The following LEKR1 variants were observed in gnomAD, a reference collection of about 807,000 sequenced individuals.
The protein encoded by LEKR1 is protein LEKR1.
In LEKR1, 59 loss-of-function variants were observed where a neutral mutation model predicts 72.4. The ratio of observed to expected loss-of-function variants is 0.82; its 90% CI spans 0.66 to 1.01. The LOEUF (loss-of-function observed/expected upper bound fraction) is 1.01, where lower values mean the gene tolerates loss of function less well. Among genes scored for constraint, LEKR1 ranks in the 50% least tolerant of loss-of-function variants. The pLI is 0.00. For missense variants in LEKR1, 728 were observed against 759.2 expected (o/e 0.96, Z 0.48); for synonymous variants, 257 against 263.2 (o/e 0.98, Z 0.23).
intron 3 of LEKR1, among the ~76,000 whole-genome samples, chr3:156,895,675 A>C (rs1721109577): frequency 6.6e-6 from 1 of 152,128 alleles, no homozygotes; most frequent in Admixed American, 6.6e-5. Context: ...ATCTCATGCC[A>C]GTCAGAATGG....
chr3:156,916,303 ATCATTGTTAGACAGGAATAGTATTGAATC>A (rs1322639469), intron 3 of LEKR1, among the ~76,000 whole-genome samples: 1 of 151,844 alleles, frequency 6.6e-6, no homozygotes, highest in Non-Finnish European at 1.5e-5. Flanking sequence ...TGTGAAGAAT[ATCATTGTTAGACAGGAATAGTATTGAATC>A]TCTAAATTGC....
At position 156,870,433 on chromosome 3, in the gene LEKR1, A is replaced by G. The variant is rs183044267; in HGVS notation, c.263+17451A>G. Among the ~76,000 whole-genome samples, 486 of 152,040 alleles carry G rather than the reference A, an allele frequency of 3.2e-3. 3 individuals carry two copies. Among genetic ancestry groups the G allele is most frequent in the African/African-American group, 0.011 (466 of 41,496 alleles). On this transcript the variant is annotated intron_variant, in intron 3 of 12. Coordinates refer to ENST00000356539, the MANE Select transcript of LEKR1 (RefSeq NM_001004316.3). ...CACCTCCTTGGTTAAATTTATTTTTAGGTATTTTTTGGAGCTATTGTAAAC... is the reference window on the plus strand; with the variant it reads ...CACCTCCTTGGTTAAATTTATTTTTGGGTATTTTTTGGAGCTATTGTAAAC...
At chr3:156,925,369 A>T (rs1458880589) in intron 4 of LEKR1, 1 of 146,960 alleles carries the variant, frequency 6.8e-6, no homozygotes, top group Non-Finnish European at 1.5e-5. Context: ...TACATAGAGG[A>T]GTTTGCTAAC....
chr3:156,859,639 A>G (rs1460170331), intron 3 of LEKR1, among the ~76,000 whole-genome samples: 2 of 152,206 alleles, frequency 1.3e-5, no homozygotes, highest in Non-Finnish European at 2.9e-5. Flanking sequence ...TCTTGGTATT[A>G]TACATTCTAA....
chr3:156,877,790 T>G (rs115807228), intron 3 of LEKR1, among the ~76,000 whole-genome samples: 6,806 of 152,238 alleles, frequency 0.045, 534 homozygotes, highest in African/African-American at 0.16. Context: ...ATTTATTTAT[T>G]TATTTATTTT....
intron 6 of LEKR1, among the ~76,000 whole-genome samples, chr3:156,964,992 C>T (rs1176742729): frequency 6.6e-6 from 1 of 152,148 alleles, no homozygotes; most frequent in East Asian, 1.9e-4. Flanking sequence ...ACTTTGTTTA[C>T]TCTAGGCTGT....
chr3:156,947,218 T>G (rs1726766067), intron 6 of LEKR1, among the ~76,000 whole-genome samples: 1 of 151,316 alleles, frequency 6.6e-6, no homozygotes, highest in African/African-American at 2.4e-5. Context: ...TTTCTACTTT[T>G]TTGATGTAAG....
intron 9 of LEKR1, among the ~76,000 whole-genome samples, chr3:157,011,211 G>A (rs987645029): frequency 2.6e-5 from 4 of 151,914 alleles, no homozygotes; most frequent in Non-Finnish European, 5.9e-5. Flanking sequence ...ATTAAGCCTG[G>A]GAAAAATACC....
intron 3 of LEKR1, among the ~76,000 whole-genome samples, chr3:156,878,297 G>C (rs917924927): frequency 1.3e-5 from 2 of 152,022 alleles, no homozygotes; most frequent in African/African-American, 2.4e-5. Flanking sequence ...TGTTTTTGCT[G>C]TATCCCAGAG....
intron 3 of LEKR1, among the ~76,000 whole-genome samples, chr3:156,878,951 G>C (rs753159030): frequency 6.6e-6 from 1 of 152,030 alleles, no homozygotes; most frequent in Non-Finnish European, 1.5e-5. Context: ...CTTTCGCTGT[G>C]ATTAAACAGT....
At chr3:156,990,588 G>A (rs971749914) in intron 7 of LEKR1, among the ~76,000 whole-genome samples, 2 of 152,082 alleles carry the variant, frequency 1.3e-5, no homozygotes, top group African/African-American at 2.4e-5. Context: ...CCATTCTACT[G>A]TAAGCAAGAT....
At chr3:156,928,432 G>T (rs1434076030) in intron 5 of LEKR1, among the ~76,000 whole-genome samples, 1 of 152,000 alleles carries the variant, frequency 6.6e-6, no homozygotes, top group African/African-American at 2.4e-5. Flanking sequence ...CAATTTTCCT[G>T]TGAACCTAAA....
intron 3 of LEKR1, among the ~76,000 whole-genome samples, chr3:156,918,550 G>T (rs971351300): frequency 1.3e-5 from 2 of 152,030 alleles, no homozygotes; most frequent in African/African-American, 2.4e-5. Flanking sequence ...GGAAGGATAT[G>T]AGGCCCTATA....
intron 2 of LEKR1, among the ~76,000 whole-genome samples, chr3:156,838,885 A>G (rs1156786851): frequency 6.6e-6 from 1 of 152,248 alleles, no homozygotes; most frequent in East Asian, 1.9e-4. Context: ...GATGAAATCA[A>G]GCCACTGAGA....
At position 157,032,350 on chromosome 3, in the gene LEKR1, A is replaced by T. The variant is rs147741452; in HGVS notation, c.1668+3948A>T. On this transcript the variant is annotated intron_variant, in intron 12 of 12. Coordinates refer to ENST00000356539, the MANE Select transcript of LEKR1 (RefSeq NM_001004316.3). ...TTTTGTTGTTTGAAGACCACACATAAGGGAGCCAAAAGAGCAGTAGTTTTA... is the reference window on the plus strand; with the variant it reads ...TTTTGTTGTTTGAAGACCACACATATGGGAGCCAAAAGAGCAGTAGTTTTA... Among the ~76,000 whole-genome samples the T allele has an allele frequency of 5.9e-5, 9 of 152,326 alleles. No homozygotes were observed. The East Asian group carries it at 1.5e-3, about 26-fold the overall frequency.
At chr3:156,976,758 T>C (rs1729730696) in intron 6 of LEKR1, among the ~76,000 whole-genome samples, 1 of 152,184 alleles carries the variant, frequency 6.6e-6, no homozygotes. Flanking sequence ...GTGAGAGATA[T>C]AAGAACTTTA....
intron 7 of LEKR1, among the ~76,000 whole-genome samples, chr3:156,983,819 A>G (rs1188143168): frequency 6.6e-6 from 1 of 152,094 alleles, no homozygotes; most frequent in African/African-American, 2.4e-5. Context: ...CACCTCTAAA[A>G]ACAATCAGGG....
chr3:156,932,695 G>A (rs1338253866), intron 5 of LEKR1, among the ~76,000 whole-genome samples: 1 of 118,920 alleles, frequency 8.4e-6, no homozygotes, highest in Admixed American at 9.3e-5. Context: ...GACAGAGTGA[G>A]ACTCTGTCTC....
At chr3:156,856,076 A>G (rs994854105) in intron 3 of LEKR1, among the ~76,000 whole-genome samples, 3 of 152,188 alleles carry the variant, frequency 2.0e-5, no homozygotes, top group African/African-American at 7.2e-5. Context: ...AGTAGAAACA[A>G]CAACATATGT....
Sources: gnomAD v4.1 joint callset for allele counts (sites outside exome capture counted in the v4.1 genomes callset) on GRCh38, gnomAD v4.1.1 for gene constraint, MANE v1.5 for transcripts, NCBI Gene and HGNC (gene_info 2026-07-23, HGNC 2026-07-21) for gene names.